Variants in CD44 observed in about 807,000 individuals in gnomAD.
The protein encoded by CD44 is CD44 antigen.
In CD44, 49 loss-of-function variants were observed where a neutral mutation model predicts 88.8. The observed-to-expected ratio is 0.55, with a 90% confidence interval of 0.44 to 0.70. CD44 has a LOEUF of 0.70. CD44 is among the 30% of genes least tolerant of loss of function. The pLI, the probability that CD44 is intolerant of heterozygous loss-of-function variation, is 0.00. For synonymous variants in CD44, 325 were observed against 312.3 expected, an observed-to-expected ratio of 1.04 and a Z score of -0.43; for missense variants, 883 against 913.8, an observed-to-expected ratio of 0.97 and a Z score of 0.43.
chr11:35,170,444 C>T (rs1369112812), intron 1 of CD44, among the ~76,000 whole-genome samples: 2 of 152,184 alleles, frequency 1.3e-5, no homozygotes, highest in African/African-American at 4.8e-5. Context: ...GTCTCCATGA[C>T]CCCTCTGTGC....
At chr11:35,176,469 C>A in intron 1 of CD44, 106 bp from the exon 2 acceptor site, 1 of 1,013,940 alleles carries the variant, frequency 9.9e-7, no homozygotes, top group Non-Finnish European at 1.4e-6. Flanking sequence ...TGAGCCACCG[C>A]GCCCGGCCTT....
intron 5 of CD44, among the ~76,000 whole-genome samples, chr11:35,196,503 T>A (rs772104261): frequency 2.0e-5 from 3 of 147,174 alleles, no homozygotes; most frequent in Non-Finnish European, 4.5e-5. Flanking sequence ...AATTTTTAAA[T>A]CTTTAATATA....
intron 1 of CD44, among the ~76,000 whole-genome samples, chr11:35,167,878 G>A (rs1013866102): frequency 2.0e-5 from 3 of 152,210 alleles, no homozygotes; most frequent in Non-Finnish European, 1.5e-5. Flanking sequence ...AGAGCATTCA[G>A]GCTGTAAAGG....
At chr11:35,195,261 A>AG (rs1309873621) in intron 5 of CD44, among the ~76,000 whole-genome samples, 3 of 152,180 alleles carry the variant, frequency 2.0e-5, no homozygotes, top group Non-Finnish European at 2.9e-5. Flanking sequence ...CTTTCTGCAG[A>AG]GGGGGATAAT....
rs1010133252 is a variant in CD44, at chr11:35,197,965, G to T, written c.797-156G>T. 7.7e-5 allele frequency: 47 copies of T among 612,596 alleles called. No homozygotes were observed. The Admixed American group carries it at 1.4e-3, about 18-fold the overall frequency. 37.9% of individuals were successfully genotyped at this position (612,596 alleles called of 1,614,324 possible). A position where few individuals can be genotyped will look rare whatever the true frequency, so the allele number is the denominator to read the frequency against. ...TTGAGATTTATGTATTAGCTTCGGA[G>T]ATCAGAACATAAGAATTTGGGGTAT... On this transcript the variant is annotated intron_variant, in intron 6 of 17. Coordinates refer to ENST00000428726, the MANE Select transcript of CD44 (RefSeq NM_000610.4).
At chr11:35,152,897 C>T (rs925210559) in intron 1 of CD44, among the ~76,000 whole-genome samples, 12 of 152,300 alleles carry the variant, frequency 7.9e-5, no homozygotes, top group African/African-American at 2.6e-4. Flanking sequence ...TCATCAGATG[C>T]TTTGCTAGTG....
intron 16 of CD44, among the ~76,000 whole-genome samples, chr11:35,220,051 T>G (rs895870702): frequency 1.3e-5 from 2 of 152,128 alleles, no homozygotes; most frequent in Admixed American, 1.3e-4. Flanking sequence ...AAGGGAAGGG[T>G]TCTCCTAAGG....
At chr11:35,206,705 A>G (rs1192709205) in intron 11 of CD44, among the ~76,000 whole-genome samples, 7 of 150,570 alleles carry the variant, frequency 4.6e-5, no homozygotes, top group Non-Finnish European at 1.0e-4. Flanking sequence ...AGACTCCTGT[A>G]AGGAGAAACG....
chr11:35,163,251 CT>C (rs370904904), intron 1 of CD44, among the ~76,000 whole-genome samples: 24,739 of 146,260 alleles, frequency 0.17, 2,236 homozygotes, highest in African/African-American at 0.23. Context: ...AATGATTTAC[CT>C]TTTTTTTTTT....
chr11:35,157,111 T>C (rs1941969150), intron 1 of CD44, among the ~76,000 whole-genome samples: 1 of 152,238 alleles, frequency 6.6e-6, no homozygotes, highest in Non-Finnish European at 1.5e-5. Context: ...CCTTGTCTGC[T>C]TTATTCAATG....
chr11:35,203,259 G>T (rs1459349717), intron 9 of CD44, among the ~76,000 whole-genome samples: 2 of 151,862 alleles, frequency 1.3e-5, no homozygotes, highest in Non-Finnish European at 2.9e-5. Context: ...AAGAGTTATG[G>T]GTACTTAAAA....
chr11:35,147,362 G>T (rs1247649577), intron 1 of CD44, among the ~76,000 whole-genome samples: 1 of 152,164 alleles, frequency 6.6e-6, no homozygotes, highest in Admixed American at 6.5e-5. Context: ...TTTGGCAAAA[G>T]CTGGAAGTAT....
Position 35,201,200 on chromosome 11 carries a change from T to C in CD44, c.1036+5T>C. On this transcript the variant is annotated splice_donor_5th_base_variant and intron_variant, in intron 8 of 17. Coordinates refer to ENST00000428726, the MANE Select transcript of CD44 (RefSeq NM_000610.4). Reference sequence around the variant, plus strand: ...AGACAACCACAAGGATGACTGGTAATGGGTTCTGCATATTTAATGAAAGAT... The same window carrying C: ...AGACAACCACAAGGATGACTGGTAACGGGTTCTGCATATTTAATGAAAGAT... 6.3e-7 allele frequency: 1 copy of C among 1,585,500 alleles called. No homozygotes were observed. The highest frequency in any genetic ancestry group is 8.7e-7 in the Non-Finnish European group (1 of 1,153,908).
intron 15 of CD44, among the ~76,000 whole-genome samples, chr11:35,218,145 C>A (rs1468185280): frequency 6.6e-6 from 1 of 152,040 alleles, no homozygotes; most frequent in Non-Finnish European, 1.5e-5. Context: ...GCCTCCAGTT[C>A]TGACTTGAGG....
intron 4 of CD44, among the ~76,000 whole-genome samples, chr11:35,187,526 A>G (rs1445397349): frequency 1.3e-5 from 2 of 152,232 alleles, no homozygotes; most frequent in Non-Finnish European, 2.9e-5. Context: ...ATTAAAATAC[A>G]CTTATTTTTA....
intron 3 of CD44, 131 bp downstream of exon 3, chr11:35,180,538 G>T: frequency 1.0e-6 from 1 of 964,168 alleles, no homozygotes; most frequent in South Asian, 1.6e-5. Context: ...GTACAGCAGA[G>T]CCAACATTCC....
intron 1 of CD44, among the ~76,000 whole-genome samples, chr11:35,167,142 G>C (rs1943377402): frequency 1.3e-5 from 2 of 152,324 alleles, no homozygotes; most frequent in Non-Finnish European, 2.9e-5. Flanking sequence ...TTAAGACAGT[G>C]AGTTGTGGCT....
intron 3 of CD44, among the ~76,000 whole-genome samples, chr11:35,184,432 C>T (rs938554805): frequency 3.3e-5 from 5 of 152,130 alleles, no homozygotes; most frequent in African/African-American, 1.2e-4. Context: ...CATCAAGAAG[C>T]CATAATCCAA....
At chr11:35,180,542 A>G (rs1444003310) in intron 3 of CD44, 135 bp downstream of exon 3, 2 of 923,914 alleles carry the variant, frequency 2.2e-6, no homozygotes, top group African/African-American at 1.7e-5. Context: ...AGCAGAGCCA[A>G]CATTCCTGTC....
Sources: gnomAD v4.1 joint callset for allele counts (sites outside exome capture counted in the v4.1 genomes callset) on GRCh38, gnomAD v4.1.1 for gene constraint, MANE v1.5 for transcripts, NCBI Gene and HGNC (gene_info 2026-07-23, HGNC 2026-07-21) for gene names.